GRIP1: variants seen among roughly 807,000 people sequenced by gnomAD.
The protein encoded by GRIP1 is glutamate receptor-interacting protein 1.
Under a neutral mutation model 129.9 loss-of-function variants are expected in GRIP1, and 45 were observed. The ratio of observed to expected loss-of-function variants is 0.35; its 90% CI spans 0.27 to 0.44. The LOEUF is 0.44. GRIP1 is among the 20% of genes least tolerant of loss of function. The pLI is 1.00. For missense variants in GRIP1, 1,196 were observed against 1,396.8 expected (o/e 0.86, Z 2.29); for synonymous variants, 530 against 520.8 (o/e 1.02, Z -0.24).
At chr12:66,707,552 A>G (rs1172449079) in intron 1 of GRIP1, among the ~76,000 whole-genome samples, 1 of 148,000 alleles carries the variant, frequency 6.8e-6, no homozygotes, top group African/African-American at 2.5e-5. Flanking sequence ...GTGCTGGGCT[A>G]TTTAGAGACG....
At chr12:66,979,547 C>T (rs1003062360) in intron 1 of GRIP1, among the ~76,000 whole-genome samples, 2 of 152,012 alleles carry the variant, frequency 1.3e-5, no homozygotes, top group Admixed American at 6.6e-5. Flanking sequence ...CATATTATGG[C>T]CATGAACCCA....
At chr12:67,036,236 T>G (rs926365223) in intron 1 of GRIP1, among the ~76,000 whole-genome samples, 1 of 152,104 alleles carries the variant, frequency 6.6e-6, no homozygotes, top group Non-Finnish European at 1.5e-5. Flanking sequence ...TTTACTTTTA[T>G]GAGGGTAACC....
chr12:66,383,482 T>C (rs1458367165), intron 19 of GRIP1, among the ~76,000 whole-genome samples: 1 of 152,140 alleles, frequency 6.6e-6, no homozygotes, highest in East Asian at 1.9e-4. Flanking sequence ...CCTCTTACCA[T>C]GTGTACTTAT....
chr12:66,410,386 C>G (rs2057354942), intron 15 of GRIP1, among the ~76,000 whole-genome samples: 1 of 150,004 alleles, frequency 6.7e-6, no homozygotes, highest in African/African-American at 2.5e-5. Context: ...AATCCCAGCA[C>G]TTTGGGAGGC....
chr12:66,675,285 T>C (rs990133581), intron 1 of GRIP1, among the ~76,000 whole-genome samples: 3 of 152,008 alleles, frequency 2.0e-5, no homozygotes, highest in Non-Finnish European at 4.4e-5. Flanking sequence ...GATGTTGGCA[T>C]TGGTAGGCAG....
At chr12:66,497,062 A>G (rs1436972242) in intron 7 of GRIP1, among the ~76,000 whole-genome samples, 1 of 152,168 alleles carries the variant, frequency 6.6e-6, no homozygotes, top group Non-Finnish European at 1.5e-5. Flanking sequence ...AGCTGTCTGC[A>G]TTTCATTCAG....
At chr12:66,479,753 G>A (rs2059742661) in intron 7 of GRIP1, among the ~76,000 whole-genome samples, 1 of 152,176 alleles carries the variant, frequency 6.6e-6, no homozygotes, top group Non-Finnish European at 1.5e-5. Context: ...TGGAATGCAA[G>A]GCTGGTTCAG....
chr12:66,724,441 C>G (rs189116886), intron 1 of GRIP1, among the ~76,000 whole-genome samples: 183 of 152,278 alleles, frequency 1.2e-3, no homozygotes, highest in Middle Eastern at 3.4e-3. Flanking sequence ...CACTGTATCA[C>G]GGTTCCTTAT....
intron 9 of GRIP1, among the ~76,000 whole-genome samples, chr12:66,456,967 T>C (rs2058985576): frequency 6.6e-6 from 1 of 152,200 alleles, no homozygotes; most frequent in Non-Finnish European, 1.5e-5. Context: ...AAAGTCTCTA[T>C]ATTTTATGAT....
chr12:66,863,328 T>C (rs1047079741), intron 1 of GRIP1, among the ~76,000 whole-genome samples: 2 of 152,168 alleles, frequency 1.3e-5, no homozygotes, highest in Non-Finnish European at 2.9e-5. Context: ...TAAGTTCCTG[T>C]TCTTTTGAAG....
At chr12:66,474,099 A>C (rs2059529118) in intron 7 of GRIP1, among the ~76,000 whole-genome samples, 1 of 152,048 alleles carries the variant, frequency 6.6e-6, no homozygotes, top group Non-Finnish European at 1.5e-5. Context: ...AGGTTAGATG[A>C]ATTACTAACT....
chr12:66,663,441 T>A (rs1180394235), intron 1 of GRIP1, among the ~76,000 whole-genome samples: 3 of 152,162 alleles, frequency 2.0e-5, no homozygotes, highest in Non-Finnish European at 4.4e-5. Context: ...GGCCAATCAG[T>A]AATAGCTGCC....
upstream of GRIP1, chr12:67,069,172 C>A (rs2043691525): frequency 1.1e-6 from 1 of 919,594 alleles, no homozygotes; most frequent in Non-Finnish European, 1.3e-6. Flanking sequence ...CTCCGGGGCT[C>A]TCCGCGCCTC....
chr12:66,371,943 T>C lies in GRIP1; in HGVS notation c.2779-16A>G, dbSNP rs1379293528. ...TGATTGTTGCCTGTGGCATTGACAA[T>C]TTTTAGAAACAATTAAGCCATGGAC... On this transcript the variant is annotated splice_polypyrimidine_tract_variant and intron_variant, in intron 22 of 24. Transcript: ENST00000359742. 1 of 1,531,870 alleles carries C rather than the reference T, an allele frequency of 6.5e-7. No individual in the cohort carries two copies. The highest frequency in any genetic ancestry group is 9.0e-7 in the Non-Finnish European group (1 of 1,110,552). 94.9% of individuals were successfully genotyped at this position (1,531,870 alleles called of 1,614,324 possible). A position where few individuals can be genotyped will look rare whatever the true frequency, so the allele number is the denominator to read the frequency against.
intron 1 of GRIP1, among the ~76,000 whole-genome samples, chr12:66,700,820 G>T (rs1240182189): frequency 6.6e-6 from 1 of 152,144 alleles, no homozygotes; most frequent in African/African-American, 2.4e-5. Context: ...ATGACTGACA[G>T]AACTTAGGAA....
At chr12:66,939,262 G>A (rs1184708179) in intron 1 of GRIP1, among the ~76,000 whole-genome samples, 3 of 152,124 alleles carry the variant, frequency 2.0e-5, no homozygotes, top group Non-Finnish European at 2.9e-5. Context: ...TGAGGTGGAG[G>A]ATTGAGACCA....
At chr12:66,508,576 G>A (rs973867491) in intron 7 of GRIP1, among the ~76,000 whole-genome samples, 9 of 152,002 alleles carry the variant, frequency 5.9e-5, no homozygotes, top group African/African-American at 1.9e-4. Flanking sequence ...GACCTGGGCC[G>A]GTACTATAGT....
chr12:66,532,419 T>C (rs541877444), intron 4 of GRIP1, among the ~76,000 whole-genome samples: 1 of 152,312 alleles, frequency 6.6e-6, no homozygotes, highest in South Asian at 2.1e-4. Flanking sequence ...TTGTCCCTTC[T>C]TTCTACATGT....
intron 1 of GRIP1, among the ~76,000 whole-genome samples, chr12:66,865,094 T>C (rs2040179767): frequency 6.6e-6 from 1 of 152,144 alleles, no homozygotes; most frequent in Admixed American, 6.6e-5. Flanking sequence ...ATTCAACATC[T>C]GGATAAGGGA....
Sources: gnomAD v4.1 joint callset for allele counts (sites outside exome capture counted in the v4.1 genomes callset) on GRCh38, gnomAD v4.1.1 for gene constraint, MANE v1.5 for transcripts, NCBI Gene and HGNC (gene_info 2026-07-23, HGNC 2026-07-21) for gene names.